The following BRD4 variants were observed in gnomAD, a reference collection of about 807,000 sequenced individuals.
The protein encoded by BRD4 is bromodomain-containing protein 4.
BRD4 carries 16 observed loss-of-function variants against 142.1 expected under a neutral mutation model. The observed-to-expected ratio is 0.11, with a 90% confidence interval of 0.08 to 0.17. The LOEUF (loss-of-function observed/expected upper bound fraction) is 0.17. Ranked by LOEUF, BRD4 falls within the 10% of genes least tolerant of loss-of-function variation. The pLI, the probability that BRD4 is intolerant of heterozygous loss-of-function variation, is 1.00. For missense variants in BRD4, 1,424 were observed against 1,810.9 expected (o/e 0.79, Z 3.88); for synonymous variants, 833 against 707.5 (o/e 1.18, Z -2.82).
intron 11 of BRD4, chr19:15,253,772 T>G (rs559380003): frequency 3.0e-5 from 48 of 1,597,692 alleles, no homozygotes; most frequent in Non-Finnish European, 3.9e-5. Flanking sequence ...AAGTCTCCAC[T>G]GGTGCAGAAA....
rs1295261527 is a variant in BRD4 at position 15,268,917 on chromosome 19, G to A, written c.411C>T (p.Tyr137=). The A allele has an allele frequency of 3.1e-6, 5 of 1,614,046 alleles. No homozygotes were observed. Among genetic ancestry groups the A allele is most frequent in the East Asian group, 2.2e-5 (1 of 44,896 alleles). ...CCCTACATCTCACCTTGTTGTAGATGTAACAATTTGTAAACATAGTGTTGA... is the reference window on the plus strand; with the variant it reads ...CCCTACATCTCACCTTGTTGTAGATATAACAATTTGTAAACATAGTGTTGA... ...QDFNTMFTNC[Y]IYNKPGDDIV... Residue 137 remains tyrosine, a synonymous_variant, in exon 3 of 20, where the codon TAC becomes TAT. Transcript: ENST00000679869.
chr19:15,274,598 G>A (rs562488712), intron 1 of BRD4, among the ~76,000 whole-genome samples: 22 of 152,330 alleles, frequency 1.4e-4, no homozygotes, highest in Non-Finnish European at 2.8e-4. Flanking sequence ...AGGCGGCCAG[G>A]GTGCAGAGCC....
intron 14 of BRD4, among the ~76,000 whole-genome samples, chr19:15,241,966 C>T (rs577327168): frequency 5.9e-5 from 9 of 152,208 alleles, no homozygotes; most frequent in African/African-American, 2.2e-4. Flanking sequence ...GTGCCTGCCA[C>T]CATGCCTGGA....
At position 15,242,892 on chromosome 19, in the gene BRD4, C is replaced by T. The variant is rs201104987; in HGVS notation, c.3169+8G>A. On this transcript the variant is annotated splice_region_variant and intron_variant, in intron 14 of 19. Transcript: ENST00000679869. ...CCTCCCCAGAGTCTACGGGTGAGGA[C>T]CACTTACCGGTTGAGTAGGGGTCCG... 2 of 1,602,242 alleles carry T rather than the reference C, an allele frequency of 1.2e-6. No homozygotes were observed. Among genetic ancestry groups the T allele is most frequent in the South Asian group, 2.3e-5 (2 of 88,572 alleles).
At chr19:15,252,662 G>A (rs1000613762) in intron 11 of BRD4, among the ~76,000 whole-genome samples, 3 of 152,192 alleles carry the variant, frequency 2.0e-5, no homozygotes, top group East Asian at 1.9e-4. Context: ...GGAGAGTAAC[G>A]GTTAGAGATG....
intron 1 of BRD4, among the ~76,000 whole-genome samples, chr19:15,288,588 T>C (rs2047757668): frequency 6.6e-6 from 1 of 152,192 alleles, no homozygotes; most frequent in Non-Finnish European, 1.5e-5. Flanking sequence ...CTCCTGCTGG[T>C]GTGCAGAGCA....
intron 1 of BRD4, among the ~76,000 whole-genome samples, chr19:15,319,418 A>T (rs2048042886): frequency 6.6e-6 from 1 of 152,078 alleles, no homozygotes; most frequent in Admixed American, 6.6e-5. Context: ...GAATGACTGC[A>T]CTCCAGCCTG....
Position 15,322,554 on chromosome 19 carries a change from C to CAA in BRD4, c.-35+9734_-35+9735dup, listed in dbSNP as rs35831959. The stretch of plus-strand genomic sequence containing the variant: ...GAAACCCCGTCTCTACTAAAACATA[C>CAA]AAAAAAAAAAAAAATTAGCCAGGCG... On this transcript the variant is annotated intron_variant, in intron 1 of 19. Coordinates refer to ENST00000679869, the MANE Select transcript of BRD4 (RefSeq NM_001379291.1). Among the ~76,000 whole-genome samples the CAA allele has an allele frequency of 5.1e-3, 628 of 124,356 alleles. 6 individuals are homozygous for CAA. Among genetic ancestry groups the CAA allele is most frequent in the African/African-American group, 0.017 (538 of 31,804 alleles). The allele number at this position is 124,356 out of a possible 152,430, so 81.6% of individuals were successfully genotyped here.
chr19:15,239,643 C>A lies in BRD4; in HGVS notation c.3445+16G>T. 6.4e-7 allele frequency: 1 copy of A among 1,566,822 alleles called. No individual in the cohort carries two copies. Among genetic ancestry groups the A allele is most frequent in the Non-Finnish European group, 8.6e-7 (1 of 1,165,716 alleles). On this transcript the variant is annotated intron_variant, in intron 16 of 19. Coordinates refer to ENST00000679869, the MANE Select transcript of BRD4 (RefSeq NM_001379291.1). The surrounding 1 kb of genome is among the most constrained non-coding windows in gnomAD (Gnocchi z 7.4). ...GGGGGGCCTGAGCCCTGGCTGTGGGCAGGGAGAGCACTCACGCTGGGGCAG... is the reference window on the plus strand; with the variant it reads ...GGGGGGCCTGAGCCCTGGCTGTGGGAAGGGAGAGCACTCACGCTGGGGCAG...
intron 1 of BRD4, among the ~76,000 whole-genome samples, chr19:15,308,519 G>A (rs898572031): frequency 1.3e-5 from 2 of 150,080 alleles, no homozygotes; most frequent in Non-Finnish European, 3.0e-5. Context: ...CCCAGGAAGC[G>A]GACGTTGCAG....
At chr19:15,320,676 C>T (rs921802674) in intron 1 of BRD4, among the ~76,000 whole-genome samples, 2 of 152,210 alleles carry the variant, frequency 1.3e-5, no homozygotes, top group Admixed American at 6.5e-5. Flanking sequence ...ATTCAGCCCA[C>T]CCAAGTAACT....
chr19:15,244,144 G>A, intron 13 of BRD4, 87 bp downstream of exon 13: 3 of 1,532,982 alleles, frequency 2.0e-6, no homozygotes, highest in Non-Finnish European at 2.6e-6. Flanking sequence ...AGGCTAAGAA[G>A]CTGCCCAGCC....
At chr19:15,298,620 CAAAAAAAAAAAAAAAAAA>C (rs57719337) in intron 1 of BRD4, among the ~76,000 whole-genome samples, 24 of 66,042 alleles carry the variant, frequency 3.6e-4, no homozygotes, top group Non-Finnish European at 5.2e-4. Context: ...GACTCCAACT[CAAAAAAAAAAAAAAAAAA>C]AAAAAAAAAA....
At chr19:15,293,605 T>C (rs2047801127) in intron 1 of BRD4, among the ~76,000 whole-genome samples, 1 of 152,220 alleles carries the variant, frequency 6.6e-6, no homozygotes. Context: ...GTCCCCAAGC[T>C]AGCGACCCGG....
At chr19:15,253,957 G>A (rs1298975415) in intron 11 of BRD4, 195 bp downstream of exon 11, 3 of 695,600 alleles carry the variant, frequency 4.3e-6, no homozygotes, top group African/African-American at 3.6e-5. Context: ...CCGAGAGAAT[G>A]GACACTACTG....
chr19:15,274,286 C>T lies in BRD4; in HGVS notation c.-34-1153G>A, dbSNP rs185703954. On this transcript the variant is annotated intron_variant, in intron 1 of 19. Coordinates refer to ENST00000679869, the MANE Select transcript of BRD4 (RefSeq NM_001379291.1). Reference sequence around the variant, plus strand: ...AAACAAGTCAGTGGGGTTTAAACCCCACTCACATGTGGAGTAGGCTGGAGA... The same window carrying T: ...AAACAAGTCAGTGGGGTTTAAACCCTACTCACATGTGGAGTAGGCTGGAGA... 3.9e-5 allele frequency among the ~76,000 whole-genome samples: 6 copies of T among 152,266 alleles called. No individual in the cohort carries two copies. In the East Asian group the frequency reaches 1.2e-3, roughly 29 times the overall value.
intron 1 of BRD4, among the ~76,000 whole-genome samples, chr19:15,283,440 T>A (rs1015624163): frequency 3.9e-5 from 6 of 152,146 alleles, no homozygotes; most frequent in Non-Finnish European, 8.8e-5. Flanking sequence ...CTATAAAAAT[T>A]TCCTATATAC....
chr19:15,301,567 CAA>C (rs1166398252), intron 1 of BRD4, among the ~76,000 whole-genome samples: 3 of 102,478 alleles, frequency 2.9e-5, no homozygotes, highest in Non-Finnish European at 3.9e-5. Context: ...CGTCTCAAAA[CAA>C]AAAAAAAAAA....
chr19:15,239,774 C>T lies in BRD4; in HGVS notation c.3330G>A (p.Val1110=). 1.2e-6 allele frequency: 2 copies of T among 1,612,076 alleles called. No individual in the cohort carries two copies. The highest frequency in any genetic ancestry group is 1.7e-6 in the Non-Finnish European group (2 of 1,179,756). The part of the protein sequence containing the change: ...SVVQPQPLVV[V]KEEKIHSPII... Reference sequence around the variant, plus strand: ...TGGGTGAGTGGATCTTCTCCTCCTTCACCACCACGAGGGGCTGGGGCTGGA... The same window carrying T: ...TGGGTGAGTGGATCTTCTCCTCCTTTACCACCACGAGGGGCTGGGGCTGGA... Residue 1110 remains valine (V), a synonymous_variant, in exon 16 of 20, where the codon GTG becomes GTA. Transcript: ENST00000679869. The surrounding 1 kb of genome is among the most constrained non-coding windows in gnomAD (Gnocchi z 7.4).
Sources: gnomAD v4.1 joint callset for allele counts (sites outside exome capture counted in the v4.1 genomes callset) on GRCh38, gnomAD v4.1.1 for gene constraint, Gnocchi (gnomAD v3.1) non-coding constraint, MANE v1.5 for transcripts, NCBI Gene and HGNC (gene_info 2026-07-23, HGNC 2026-07-21) for gene names.